Variants in MTERF1 observed in about 807,000 individuals in gnomAD.
MTERF1 encodes the protein transcription termination factor 1, mitochondrial.
A neutral mutation model predicts 31.6 loss-of-function variants in MTERF1; 29 were observed. The observed-to-expected ratio is 0.92, with a 90% CI of 0.68 to 1.25. MTERF1 has a LOEUF of 1.25. Ranked by LOEUF, MTERF1 falls within the 50% of genes most tolerant of loss-of-function variation. The probability of loss-of-function intolerance (pLI) is 0.00; values close to 1 mark genes in which losing one functional copy is unlikely to be tolerated. For missense variants in MTERF1, 500 were observed against 469.1 expected (o/e 1.07, Z -0.61); for synonymous variants, 152 against 164.1 (o/e 0.93, Z 0.57).
intron 1 of MTERF1, 124 bp from the exon 2 acceptor site, chr7:91,880,237 T>C (rs2269811): frequency 0.13 from 88,493 of 697,620 alleles, 7,020 homozygotes; most frequent in East Asian, 0.35. Flanking sequence ...CATTACCTCT[T>C]GCAAACAACA....
At chr7:91,878,874 T>A (rs571477738) in intron 2 of MTERF1, among the ~76,000 whole-genome samples, 1 of 152,186 alleles carries the variant, frequency 6.6e-6, no homozygotes, top group African/African-American at 2.4e-5. Context: ...TGAAAAAGGA[T>A]GACTAGGCCA....
chr7:91,875,504 C>T (rs1449287682), intron 2 of MTERF1, among the ~76,000 whole-genome samples: 2 of 152,214 alleles, frequency 1.3e-5, no homozygotes, highest in African/African-American at 4.8e-5. Flanking sequence ...ATCTGCCTGC[C>T]TTGGCCTCCC....
chr7:91,874,435 A>C lies in MTERF1; in HGVS notation c.359T>G (p.Val120Gly). The C allele has an allele frequency of 6.2e-7, 1 of 1,614,122 alleles. No homozygotes were observed. Among genetic ancestry groups the C allele is most frequent in the Non-Finnish European group, 8.5e-7 (1 of 1,180,010 alleles). ...ATATCTTGATATGATGCTAGCGATC[A>C]CTTCTTTGCTAGCTCCTTTGGAAAG... ...FLLSKGASKE[V>G]IASIISRYPR... Residue 120 changes from valine (V) to glycine (G), a missense_variant, in exon 3 of 3, where the codon GTG becomes GGG. By Grantham distance (109) the Val-to-Gly change is moderately radical (BLOSUM62 -3). Transcript: ENST00000351870.
At position 91,873,748 on chromosome 7, in the gene MTERF1, G is replaced by C; in HGVS notation, c.1046C>G (p.Pro349Arg). The C allele has an allele frequency of 1.2e-6, 2 of 1,614,014 alleles. No homozygotes were observed. Among genetic ancestry groups the C allele is most frequent in the Middle Eastern group, 1.7e-4 (1 of 6,060 alleles). The change falls in exon 3 of 3, where the codon CCT becomes CGT. Residue 349 changes from proline (P) to arginine (R), a missense_variant. Transcript: ENST00000351870. Reference protein sequence around the residue: ...NISISQIIENPRVLDSSISTL... With the variant: ...NISISQIIENRRVLDSSISTL... ...ACTTATGCTTGAATCCAGAACCCGA[G>C]GATTTTCGATTATTTGTGAAATGCT...
intron 2 of MTERF1, among the ~76,000 whole-genome samples, chr7:91,879,436 T>C (rs1789441984): frequency 6.6e-6 from 1 of 152,196 alleles, no homozygotes; most frequent in Non-Finnish European, 1.5e-5. Context: ...GGAATGACAC[T>C]TATTTCTGAA....
At position 91,872,612 on chromosome 7, in the gene MTERF1, T is replaced by C. The variant is rs1789207668; in HGVS notation, c.*982A>G. 1 of 152,212 alleles carries C rather than the reference T, an allele frequency of 6.6e-6. No individual in the cohort carries two copies. Among genetic ancestry groups the C allele is most frequent in the South Asian group, 2.1e-4 (1 of 4,836 alleles). 9.4% of individuals were successfully genotyped at this position (152,212 alleles called of 1,614,324 possible). ...AGTAGGAATAAGGTTTTTTGAAGTATCACTGATAGCAAATGAGGTTTAAAA... is the reference window on the plus strand; with the variant it reads ...AGTAGGAATAAGGTTTTTTGAAGTACCACTGATAGCAAATGAGGTTTAAAA... On this transcript the variant is annotated 3_prime_UTR_variant, in exon 3 of 3. Transcript: ENST00000351870.
rs146299538 is a variant in MTERF1, at chr7:91,873,534, T to C, written c.*60A>G. 4.1e-4 allele frequency: 573 copies of C among 1,391,208 alleles called. 2 individuals carry two copies. Among genetic ancestry groups the C allele is most frequent in the Middle Eastern group, 3.7e-3 (20 of 5,380 alleles). 86.2% of individuals were successfully genotyped at this position (1,391,208 alleles called of 1,614,324 possible). ...TTTTAAATTAATCACTTCTGCAAAA[T>C]TCTTTTGCAATGTGGCATAACATAT... On this transcript the variant is annotated 3_prime_UTR_variant, in exon 3 of 3. Coordinates refer to ENST00000351870, the MANE Select transcript of MTERF1 (RefSeq NM_006980.5).
rs1052004157 is a variant in MTERF1 at position 91,873,523 on chromosome 7, C to T, written c.*71G>A. 3.5e-5 allele frequency: 46 copies of T among 1,315,850 alleles called. No individual in the cohort carries two copies. The highest frequency in any genetic ancestry group is 7.4e-5 in the East Asian group (3 of 40,648). 81.5% of individuals were successfully genotyped at this position (1,315,850 alleles called of 1,614,324 possible). A position where few individuals can be genotyped will look rare whatever the true frequency, so the allele number is the denominator to read the frequency against. ...CCTTAATAACATTTTAAATTAATCA[C>T]TTCTGCAAAATTCTTTTGCAATGTG... is the stretch of plus-strand genomic sequence containing the variant. On this transcript the variant is annotated 3_prime_UTR_variant, in exon 3 of 3. Transcript: ENST00000351870.
intron 2 of MTERF1, among the ~76,000 whole-genome samples, chr7:91,879,714 A>G (rs1280937689): frequency 6.6e-6 from 1 of 152,230 alleles, no homozygotes; most frequent in Non-Finnish European, 1.5e-5. Context: ...GAACATCTAA[A>G]TAGCCTAATA....
chr7:91,878,416 A>G (rs73401930), intron 2 of MTERF1, among the ~76,000 whole-genome samples: 111 of 152,376 alleles, frequency 7.3e-4, no homozygotes, highest in Admixed American at 4.4e-3. Context: ...CTGTTAATGA[A>G]CATATGAGGA....
In MTERF1 at chr7:91,880,108, C is replaced by G. The variant is rs754797736; in HGVS notation, c.-25G>C. 1.9e-6 allele frequency: 3 copies of G among 1,613,286 alleles called. No homozygotes were observed. The South Asian group carries it at 3.3e-5, about 18-fold the overall frequency. On this transcript the variant is annotated 5_prime_UTR_variant, in exon 2 of 3. Coordinates refer to ENST00000351870, the MANE Select transcript of MTERF1 (RefSeq NM_006980.5). ...TCCCTCCAGAAAGGCTGGAGAACAG[C>G]TATCTCTGGAAATGACACACACACA...
At chr7:91,879,484 G>C (rs942446374) in intron 2 of MTERF1, among the ~76,000 whole-genome samples, 2 of 152,026 alleles carry the variant, frequency 1.3e-5, no homozygotes, top group Admixed American at 6.5e-5. Context: ...TGAAATACTG[G>C]GACTTTATTT....
intron 2 of MTERF1, among the ~76,000 whole-genome samples, chr7:91,878,988 C>T: frequency 6.6e-6 from 1 of 152,012 alleles, no homozygotes; most frequent in East Asian, 1.9e-4. Flanking sequence ...ACTAAAAATA[C>T]TAAAATTAGC....
At position 91,873,387 on chromosome 7, in the gene MTERF1, A is replaced by G. The variant is rs1789232468; in HGVS notation, c.*207T>C. ...TCCTTCAAAAGTAGTTGTCTTTCTT[A>G]TACAGGATCACTCTGACCTCCTCTT... On this transcript the variant is annotated 3_prime_UTR_variant, in exon 3 of 3. Transcript: ENST00000351870. 1 of 497,700 alleles carries G rather than the reference A, an allele frequency of 2.0e-6. No homozygotes were observed. Among genetic ancestry groups the G allele is most frequent in the Admixed American group, 3.8e-5 (1 of 26,456 alleles). The allele number at this position is 497,700 out of a possible 1,614,324, so 30.8% of individuals were successfully genotyped here.
At chr7:91,880,314 A>C in intron 1 of MTERF1, 1 of 537,046 alleles carries the variant, frequency 1.9e-6, no homozygotes, top group Admixed American at 3.5e-5. Context: ...AGGTAGCGGA[A>C]TCACGAATAC....
chr7:91,876,627 A>T lies in MTERF1; in HGVS notation c.30-1863T>A, dbSNP rs1272480662. ...TTCCTGTGGCTCACATAATCTACAG[A>T]TTCTCACAGAATTGGGAAAAGATCC... On this transcript the variant is annotated intron_variant, in intron 2 of 2. Coordinates refer to ENST00000351870, the MANE Select transcript of MTERF1 (RefSeq NM_006980.5). Among the ~76,000 whole-genome samples, 4 of 152,350 alleles carry T rather than the reference A, an allele frequency of 2.6e-5. No individual in the cohort carries two copies. The East Asian group carries it at 7.7e-4, about 29-fold the overall frequency.
rs1180320301 is a variant in MTERF1 at position 91,873,771 on chromosome 7, G to A, written c.1023C>T (p.Ser341=). ...GAGGATTTTCGATTATTTGTGAAAT[G>A]CTAATGTTTTCTTCCATGAGGCAGT... The part of the protein sequence containing the change: ...KIDCLMEENI[S]ISQIIENPRV... Residue 341 remains serine, a synonymous_variant, in exon 3 of 3, where the codon AGC becomes AGT. Transcript: ENST00000351870. 1 of 1,614,090 alleles carries A rather than the reference G, an allele frequency of 6.2e-7. No individual in the cohort carries two copies. The highest frequency in any genetic ancestry group is 1.1e-5 in the South Asian group (1 of 91,080).
At chr7:91,876,867 G>A in intron 2 of MTERF1, 1 of 971,630 alleles carries the variant, frequency 1.0e-6, no homozygotes. Flanking sequence ...ACTGAAGAAT[G>A]ACGGCTCTAC....
chr7:91,874,147 T>A lies in MTERF1; in HGVS notation c.647A>T (p.Glu216Val). 2 of 1,614,150 alleles carry A rather than the reference T, an allele frequency of 1.2e-6. No homozygotes were observed. The highest frequency in any genetic ancestry group is 1.7e-6 in the Non-Finnish European group (2 of 1,180,020). ...NSLDLNKQMVEFLQAAGLSLG... is the reference protein window; with the variant it reads ...NSLDLNKQMVVFLQAAGLSLG... ...TGACAAACCGGCTGCCTGCAAAAATTCAACCATCTGTTTATTCAGATCAAG... is the reference window on the plus strand; with the variant it reads ...TGACAAACCGGCTGCCTGCAAAAATACAACCATCTGTTTATTCAGATCAAG... Residue 216 changes from glutamate to valine, a missense_variant, in exon 3 of 3, where the codon GAA (glutamate) becomes GTA (valine). Coordinates refer to ENST00000351870, the MANE Select transcript of MTERF1 (RefSeq NM_006980.5).
Sources: gnomAD v4.1 joint callset for allele counts (sites outside exome capture counted in the v4.1 genomes callset) on GRCh38, gnomAD v4.1.1 for gene constraint, MANE v1.5 for transcripts, NCBI Gene and HGNC (gene_info 2026-07-23, HGNC 2026-07-21) for gene names.